The following DPYS variants were observed in gnomAD, a reference collection of about 807,000 sequenced individuals.
DPYS encodes the protein dihydropyrimidine amidohydrolase.
DPYS carries 39 observed loss-of-function variants against 50.3 expected under a neutral mutation model. That is an observed-to-expected ratio of 0.78 (90% CI 0.60 to 1.01). The LOEUF is 1.01. DPYS is among the 50% of genes least tolerant of loss of function. DPYS has a pLI of 0.00. For synonymous variants in DPYS, 245 were observed against 250.7 expected (o/e 0.98, Z 0.22); for missense variants, 659 against 680.9 (o/e 0.97, Z 0.36).
chr8:104,458,147 G>A (rs1813993886), intron 1 of DPYS, among the ~76,000 whole-genome samples: 1 of 152,116 alleles, frequency 6.6e-6, no homozygotes, highest in Non-Finnish European at 1.5e-5. Flanking sequence ...GAGCAACAAT[G>A]TGAACACAAC....
At chr8:104,440,409 T>C (rs955464637) in intron 4 of DPYS, among the ~76,000 whole-genome samples, 1 of 152,184 alleles carries the variant, frequency 6.6e-6, no homozygotes, top group Non-Finnish European at 1.5e-5. Flanking sequence ...CCCAAGGCTC[T>C]GCATGTCTAA....
chr8:104,392,836 G>C lies in DPYS; in HGVS notation c.1391C>G (p.Pro464Arg). Residue 464 changes from proline to arginine, a missense_variant, in exon 8 of 10, where the codon CCT becomes CGT. Coordinates refer to ENST00000351513, the MANE Select transcript of DPYS (RefSeq NM_001385.3). ...SVTAGDGKFIPRKPFAEYIYK... is the reference protein window; with the variant it reads ...SVTAGDGKFIRRKPFAEYIYK... ...AATATATTCAGCAAATGGTTTTCGA[G>C]GAATAAACTTCCCATCTCCTGCCGT... The C allele has an allele frequency of 6.2e-7, 1 of 1,614,098 alleles. No individual in the cohort carries two copies. Among genetic ancestry groups the C allele is most frequent in the South Asian group, 1.1e-5 (1 of 91,060 alleles).
chr8:104,385,362 T>G (rs1210712757), intron 8 of DPYS, among the ~76,000 whole-genome samples: 1 of 152,232 alleles, frequency 6.6e-6, no homozygotes, highest in African/African-American at 2.4e-5. Context: ...GGCAATTGTA[T>G]CACCTGAGGG....
chr8:104,401,553 C>A (rs541380311), intron 7 of DPYS, among the ~76,000 whole-genome samples: 1 of 152,210 alleles, frequency 6.6e-6, no homozygotes, highest in African/African-American at 2.4e-5. Context: ...CATTCTTAAT[C>A]CACCAGAAAA....
intron 6 of DPYS, among the ~76,000 whole-genome samples, chr8:104,424,767 T>C (rs1447378720): frequency 6.6e-6 from 1 of 152,154 alleles, no homozygotes; most frequent in Admixed American, 6.6e-5. Context: ...ACCTAAGATT[T>C]ATGAGATAAT....
chr8:104,458,074 G>A (rs1289307593), intron 1 of DPYS, among the ~76,000 whole-genome samples: 1 of 152,156 alleles, frequency 6.6e-6, no homozygotes, highest in Non-Finnish European at 1.5e-5. Flanking sequence ...GCCATAAAGA[G>A]GGTGTGTTAA....
chr8:104,388,504 T>C (rs1335473701), intron 8 of DPYS, among the ~76,000 whole-genome samples: 1 of 152,254 alleles, frequency 6.6e-6, no homozygotes. Context: ...CTATATATTT[T>C]TTGTAAACAA....
chr8:104,466,649 G>GC lies in DPYS; in HGVS notation c.264+7dup. ...TACCGCGGGGCGGGGGCGCGGCGGG[G>GC]CGGGTACCTTGGTGCCCTGGTGGAA... On this transcript the variant is annotated splice_region_variant and intron_variant, in intron 1 of 9. Transcript: ENST00000351513. 1 of 1,510,034 alleles carries GC rather than the reference G, an allele frequency of 6.6e-7. No homozygotes were observed. The allele number at this position is 1,510,034 out of a possible 1,614,324, so 93.5% of individuals were successfully genotyped here. A position where few individuals can be genotyped will look rare whatever the true frequency, so the allele number is the denominator to read the frequency against.
At chr8:104,395,982 AT>A (rs2140528818) in intron 7 of DPYS, among the ~76,000 whole-genome samples, 1 of 152,322 alleles carries the variant, frequency 6.6e-6, no homozygotes, top group Admixed American at 6.5e-5. Flanking sequence ...ATGGAGGGGT[AT>A]TAATCAAGTG....
At chr8:104,440,199 C>T (rs942616409) in intron 4 of DPYS, among the ~76,000 whole-genome samples, 1 of 152,174 alleles carries the variant, frequency 6.6e-6, no homozygotes, top group Non-Finnish European at 1.5e-5. Flanking sequence ...CTATCCCGCT[C>T]TTCTGGATAT....
Position 104,444,299 on chromosome 8 carries a change from G to A in DPYS, c.742C>T (p.His248Tyr). The change falls in exon 4 of 10, where the codon CAT (histidine) becomes TAT (tyrosine). Residue 248 changes from histidine to tyrosine, a missense_variant. Physicochemically the swap from His to Tyr is moderately conservative, Grantham distance 83. Transcript: ENST00000351513. ...SAVNCPLYIV[H>Y]VMSKSAAKVI... ...TTAGCTGCAGACTTGCTCATCACATGCACAATGTAGAGAGGACAGTTCACA... is the reference window on the plus strand; with the variant it reads ...TTAGCTGCAGACTTGCTCATCACATACACAATGTAGAGAGGACAGTTCACA... 6.2e-7 allele frequency: 1 copy of A among 1,614,210 alleles called. No individual in the cohort carries two copies. Among genetic ancestry groups the A allele is most frequent in the Non-Finnish European group, 8.5e-7 (1 of 1,180,058 alleles).
intron 1 of DPYS, among the ~76,000 whole-genome samples, chr8:104,458,759 C>T (rs1224303527): frequency 1.3e-5 from 2 of 152,178 alleles, no homozygotes; most frequent in East Asian, 1.9e-4. Context: ...ATTGCTAGTC[C>T]TGGCCCTGTA....
At chr8:104,388,399 C>T (rs1811280096) in intron 8 of DPYS, among the ~76,000 whole-genome samples, 1 of 152,128 alleles carries the variant, frequency 6.6e-6, no homozygotes, top group Non-Finnish European at 1.5e-5. Flanking sequence ...AAACAGATGA[C>T]TTAACAAATG....
At position 104,429,663 on chromosome 8, in the gene DPYS, C is replaced by T; in HGVS notation, c.832G>A (p.Gly278Ser). ...VYGEPIAASL[G>S]TDGTHYWNKE... ...TTCCAGTAGTGAGTGCCATCTGTGC[C>T]AAGACTGGCTGCTATGGGTTCACCA... is the stretch of plus-strand genomic sequence containing the variant. Residue 278 changes from glycine to serine, a missense_variant, in exon 5 of 10, where the codon GGC becomes AGC. By Grantham distance (56) the Gly-to-Ser change is moderately conservative. Transcript: ENST00000351513. 6.2e-7 allele frequency: 1 copy of T among 1,614,106 alleles called. No individual in the cohort carries two copies. The highest frequency in any genetic ancestry group is 8.5e-7 in the Non-Finnish European group (1 of 1,180,010).
At chr8:104,424,890 G>A (rs1181090330) in intron 6 of DPYS, among the ~76,000 whole-genome samples, 4 of 149,374 alleles carry the variant, frequency 2.7e-5, no homozygotes, top group South Asian at 2.1e-4. Flanking sequence ...GCAGTGGTGC[G>A]ATCTTGGCTC....
intron 8 of DPYS, among the ~76,000 whole-genome samples, chr8:104,386,788 C>T (rs979940216): frequency 7.9e-5 from 12 of 151,798 alleles, no homozygotes; most frequent in Non-Finnish European, 1.3e-4. Context: ...CTACCACTCA[C>T]GGCTAATTTT....
At chr8:104,416,461 A>G (rs996439247) in intron 7 of DPYS, among the ~76,000 whole-genome samples, 2 of 152,220 alleles carry the variant, frequency 1.3e-5, no homozygotes, top group African/African-American at 4.8e-5. Flanking sequence ...GTGACAAATC[A>G]TGGCATAAAT....
chr8:104,397,350 A>C (rs1811628880), intron 7 of DPYS, among the ~76,000 whole-genome samples: 1 of 152,222 alleles, frequency 6.6e-6, no homozygotes, highest in Admixed American at 6.5e-5. Flanking sequence ...GTTTAGCTTC[A>C]GCACATGCTA....
At chr8:104,447,252 A>C in intron 3 of DPYS, 72 bp downstream of exon 3, 1 of 1,555,354 alleles carries the variant, frequency 6.4e-7, no homozygotes, top group Non-Finnish European at 8.8e-7. Flanking sequence ...TTACCTATGT[A>C]GGCCCAATCA....
Sources: gnomAD v4.1 joint callset for allele counts (sites outside exome capture counted in the v4.1 genomes callset) on GRCh38, gnomAD v4.1.1 for gene constraint, MANE v1.5 for transcripts, NCBI Gene and HGNC (gene_info 2026-07-23, HGNC 2026-07-21) for gene names.